Variants in HDAC4 observed in about 807,000 individuals in gnomAD.
The protein encoded by HDAC4 is histone deacetylase 4.
HDAC4 carries 16 observed loss-of-function variants against 135.1 expected under a neutral mutation model. That is an observed-to-expected ratio of 0.12 (90% CI 0.08 to 0.18). The LOEUF is 0.18. Among genes scored for constraint, HDAC4 ranks in the 10% least tolerant of loss-of-function variants. The pLI is 1.00. For synonymous variants in HDAC4, 685 were observed against 653.4 expected (o/e 1.05, Z -0.74); for missense variants, 1,143 against 1,511.8 (o/e 0.76, Z 4.05).
intron 2 of HDAC4, among the ~76,000 whole-genome samples, chr2:239,260,138 T>C (rs2125079524): frequency 6.6e-6 from 1 of 152,304 alleles, no homozygotes; most frequent in South Asian, 2.1e-4. Flanking sequence ...AAGACAGAGG[T>C]TGGGGTGTCC....
chr2:239,236,555 C>A, intron 3 of HDAC4, 38 bp downstream of exon 3: 1 of 1,519,008 alleles, frequency 6.6e-7, no homozygotes, highest in Non-Finnish European at 9.0e-7. Flanking sequence ...TGGCTCAGCG[C>A]AGGGCCGGCC....
chr2:239,228,319 T>C (rs556890670), intron 3 of HDAC4, among the ~76,000 whole-genome samples: 1 of 152,266 alleles, frequency 6.6e-6, no homozygotes, highest in African/African-American at 2.4e-5. Context: ...TCCCAGGCCT[T>C]GGAGCAACTC....
intron 7 of HDAC4, among the ~76,000 whole-genome samples, chr2:239,149,551 G>A (rs3828214): frequency 0.21 from 32,312 of 151,952 alleles, 3,524 homozygotes; most frequent in East Asian, 0.34. Context: ...CTGCCGCTAA[G>A]CAACCTCCAT....
chr2:239,371,234 G>A (rs565648994), intron 1 of HDAC4, among the ~76,000 whole-genome samples: 2 of 152,180 alleles, frequency 1.3e-5, no homozygotes, highest in South Asian at 2.1e-4. Flanking sequence ...ATATAAACAC[G>A]TGTGTCACTC....
At chr2:239,198,304 C>T (rs1304308007) in intron 3 of HDAC4, among the ~76,000 whole-genome samples, 1 of 152,314 alleles carries the variant, frequency 6.6e-6, no homozygotes, top group South Asian at 2.1e-4. Flanking sequence ...TTCTCAATGC[C>T]AGGCTTCATG....
chr2:239,227,431 A>C (rs1559253290), intron 3 of HDAC4, among the ~76,000 whole-genome samples: 1 of 152,090 alleles, frequency 6.6e-6, no homozygotes. Context: ...CACCATGCCA[A>C]GTGGGACCGG....
At chr2:239,191,954 G>GT (rs1211679401) in intron 3 of HDAC4, among the ~76,000 whole-genome samples, 1 of 152,192 alleles carries the variant, frequency 6.6e-6, no homozygotes, top group African/African-American at 2.4e-5. Flanking sequence ...TGTTATTGTT[G>GT]TTTTTTAAAT....
intron 3 of HDAC4, among the ~76,000 whole-genome samples, chr2:239,205,420 G>A (rs1414184753): frequency 6.6e-6 from 1 of 152,144 alleles, no homozygotes; most frequent in African/African-American, 2.4e-5. Flanking sequence ...GAGCCTCTGA[G>A]AACTAAGAGA....
rs750583485 is a variant in HDAC4, at chr2:239,115,120, G to C, written c.1724C>G (p.Ala575Gly). ...CGGCTCCACCTCCCGTGGGGGCTCTGCCTCTTCCTCATCGCTCTCAATGGG... is the reference window on the plus strand; with the variant it reads ...CGGCTCCACCTCCCGTGGGGGCTCTCCCTCTTCCTCATCGCTCTCAATGGG... The part of the protein sequence containing the change: ...QEPIESDEEE[A>G]EPPREVEPGQ... The change falls in exon 13 of 27, where the codon GCA becomes GGA. Residue 575 changes from alanine to glycine, a missense_variant. Around this residue, in one of 9 missense-constraint regions of HDAC4, gnomAD observed 196 missense variants for 210.7 expected, o/e 0.93. Coordinates refer to ENST00000543185, the MANE Select transcript of HDAC4 (RefSeq NM_001378414.1). This position sits in a 1 kb window ranked among gnomAD's most constrained non-coding sequence, Gnocchi z 6.3. The C allele has an allele frequency of 6.2e-7, 1 of 1,611,804 alleles. No homozygotes were observed. Among genetic ancestry groups the C allele is most frequent in the South Asian group, 1.1e-5 (1 of 91,084 alleles).
Position 239,053,026 on chromosome 2 carries a change from A to G in HDAC4, c.*71T>C, listed in dbSNP as rs2031109962. On this transcript the variant is annotated 3_prime_UTR_variant, in exon 27 of 27. Transcript: ENST00000543185. ...CCCCACGGTGGGACGCAGGCGTGAC[A>G]CGGGAAAGTTTCTTGGCTGAGCTTC... is the stretch of plus-strand genomic sequence containing the variant. 1.3e-6 allele frequency: 2 copies of G among 1,577,548 alleles called. No individual in the cohort carries two copies. The highest frequency in any genetic ancestry group is 1.7e-5 in the Admixed American group (1 of 59,956).
chr2:239,328,204 C>A (rs1304230637), intron 2 of HDAC4, among the ~76,000 whole-genome samples: 1 of 152,238 alleles, frequency 6.6e-6, no homozygotes, highest in Non-Finnish European at 1.5e-5. Flanking sequence ...GGAGCCCTGG[C>A]GCTGGCCCAA....
chr2:239,055,077 G>GA, intron 24 of HDAC4: 2 of 439,184 alleles, frequency 4.6e-6, no homozygotes, highest in Non-Finnish European at 4.2e-6. Context: ...GTAGCAGGAA[G>GA]AAAGACAGTC....
chr2:239,271,984 CA>C (rs1226343821), intron 2 of HDAC4, among the ~76,000 whole-genome samples: 1 of 152,012 alleles, frequency 6.6e-6, no homozygotes, highest in African/African-American at 2.4e-5. Flanking sequence ...ACAGTAATGA[CA>C]AAAAAGCACA....
intron 4 of HDAC4, among the ~76,000 whole-genome samples, chr2:239,185,344 G>T (rs1476905411): frequency 6.6e-6 from 1 of 151,816 alleles, no homozygotes; most frequent in Admixed American, 6.5e-5. Flanking sequence ...CCCTATGAAG[G>T]GTGCCCCGTG....
At chr2:239,383,667 G>A (rs917317578) in intron 1 of HDAC4, among the ~76,000 whole-genome samples, 1 of 151,964 alleles carries the variant, frequency 6.6e-6, no homozygotes, top group Non-Finnish European at 1.5e-5. Context: ...GGGAGAAAGC[G>A]CGGCAACGAC....
chr2:239,301,023 C>G (rs1324002209), intron 2 of HDAC4, among the ~76,000 whole-genome samples: 1 of 152,236 alleles, frequency 6.6e-6, no homozygotes, highest in Non-Finnish European at 1.5e-5. Context: ...CTCCTCCGGG[C>G]TCCAAGAGCA....
At chr2:239,104,535 T>C (rs2037950756) in intron 15 of HDAC4, among the ~76,000 whole-genome samples, 1 of 152,236 alleles carries the variant, frequency 6.6e-6, no homozygotes, top group Non-Finnish European at 1.5e-5. Flanking sequence ...TGGCCAGGGC[T>C]TCTCATTTCT....
intron 2 of HDAC4, among the ~76,000 whole-genome samples, chr2:239,288,696 C>T (rs2051286670): frequency 1.3e-5 from 2 of 149,906 alleles, no homozygotes; most frequent in South Asian, 2.1e-4. Flanking sequence ...AACAGAAAAA[C>T]AAAACAACTA....
intron 1 of HDAC4, among the ~76,000 whole-genome samples, chr2:239,386,247 A>G (rs1301655167): frequency 6.6e-6 from 1 of 152,020 alleles, no homozygotes; most frequent in Non-Finnish European, 1.5e-5. Context: ...GCGGCCGCAC[A>G]GGGGGAGTCA....
Sources: allele counts gnomAD v4.1 joint callset (sites outside exome capture counted in the v4.1 genomes callset), GRCh38; gene constraint gnomAD v4.1.1; regional missense constraint gnomAD v4.1.1; non-coding constraint Gnocchi (gnomAD v3.1); transcripts MANE v1.5; gene names NCBI Gene and HGNC (gene_info 2026-07-23, HGNC 2026-07-21).